RC3H2: variants seen among roughly 807,000 people sequenced by gnomAD.
The protein encoded by RC3H2 is ring finger and CCCH-type domains 2, also known as roquin-2.
A neutral mutation model predicts 133.3 loss-of-function variants in RC3H2; 31 were observed. The observed-to-expected ratio is 0.23, with a 90% confidence interval of 0.17 to 0.31. RC3H2 has a LOEUF of 0.31. Ranked by LOEUF, RC3H2 falls within the 10% of genes least tolerant of loss-of-function variation. The probability of loss-of-function intolerance (pLI) is 1.00; values close to 1 mark genes in which losing one functional copy is unlikely to be tolerated. For synonymous variants in RC3H2, 517 were observed against 502.2 expected (o/e 1.03, Z -0.40); for missense variants, 1,175 against 1,437.2 (o/e 0.82, Z 2.95).
intron 18 of RC3H2, among the ~76,000 whole-genome samples, chr9:122,852,532 TG>T (rs1233305012): frequency 8.9e-6 from 1 of 112,620 alleles, no homozygotes; most frequent in Non-Finnish European, 1.8e-5. Flanking sequence ...GGGAGGGAGG[TG>T]GGGGGGTCAG....
At chr9:122,895,751 T>C (rs1832389441) in intron 2 of RC3H2, among the ~76,000 whole-genome samples, 1 of 152,230 alleles carries the variant, frequency 6.6e-6, no homozygotes, top group South Asian at 2.1e-4. Flanking sequence ...AAATAATTCC[T>C]TTCTGGCTTT....
In RC3H2 at chr9:122,897,282, G is replaced by T; in HGVS notation, c.228C>A (p.Ala76=). The T allele has an allele frequency of 1.2e-6, 2 of 1,613,720 alleles. No homozygotes were observed. Among genetic ancestry groups the T allele is most frequent in the Non-Finnish European group, 1.7e-6 (2 of 1,179,706 alleles). The change falls in exon 2 of 21, where the codon GCC becomes GCA. Residue 76 remains alanine, a synonymous_variant. Coordinates refer to ENST00000357244, the MANE Select transcript of RC3H2 (RefSeq NM_001100588.3). ...VNFALLQLVG[A]QVPDHQSIKL... is the part of the protein sequence containing the mutation. Reference sequence around the variant, plus strand: ...TAGTAAAATCTTGAATGCTTACCTGGGCTCCAACTAACTGGAGAAGTGCGA... The same window carrying T: ...TAGTAAAATCTTGAATGCTTACCTGTGCTCCAACTAACTGGAGAAGTGCGA...
intron 1 of RC3H2, among the ~76,000 whole-genome samples, chr9:122,899,124 A>C (rs1832555232): frequency 7.7e-6 from 1 of 130,252 alleles, no homozygotes; most frequent in Non-Finnish European, 1.6e-5. Context: ...TTTTTCAGAG[A>C]CAGAGTCTCC....
intron 4 of RC3H2, among the ~76,000 whole-genome samples, chr9:122,888,391 C>G (rs982146301): frequency 2.2e-4 from 34 of 152,158 alleles, no homozygotes; most frequent in African/African-American, 8.0e-4. Context: ...TTATGTGGTT[C>G]CAAAGTACAA....
intron 1 of RC3H2, among the ~76,000 whole-genome samples, chr9:122,902,609 C>T (rs1198527237): frequency 6.6e-6 from 1 of 152,014 alleles, no homozygotes; most frequent in Non-Finnish European, 1.5e-5. Flanking sequence ...CTTTGGGAGG[C>T]GGAGGCGGGA....
intron 9 of RC3H2, chr9:122,873,908 CCCAAGTT>C (rs1426994426): frequency 1.3e-5 from 2 of 152,036 alleles, no homozygotes; most frequent in Non-Finnish European, 2.9e-5. Flanking sequence ...ACCTCTGCCT[CCCAAGTT>C]CAAGCCATTC....
At chr9:122,873,620 G>A (rs2131439388) in intron 9 of RC3H2, among the ~76,000 whole-genome samples, 1 of 151,970 alleles carries the variant, frequency 6.6e-6, no homozygotes, top group East Asian at 1.9e-4. Flanking sequence ...GGCTGAGGTG[G>A]GAGAATCCCC....
At chr9:122,880,396 T>A in intron 6 of RC3H2, 198 bp downstream of exon 6, 1 of 685,706 alleles carries the variant, frequency 1.5e-6, no homozygotes, top group Non-Finnish European at 2.5e-6. Flanking sequence ...TTTATGCTAG[T>A]ATCATGTATT....
At chr9:122,882,787 G>A (rs1362980570) in intron 5 of RC3H2, among the ~76,000 whole-genome samples, 5 of 152,154 alleles carry the variant, frequency 3.3e-5, no homozygotes, top group Non-Finnish European at 7.4e-5. Context: ...GCCATTTTCA[G>A]ATTAAAGGTG....
At chr9:122,900,434 A>G (rs981121973) in intron 1 of RC3H2, among the ~76,000 whole-genome samples, 1 of 152,192 alleles carries the variant, frequency 6.6e-6, no homozygotes, top group Non-Finnish European at 1.5e-5. Context: ...AGATAAATCA[A>G]TATAAAATTT....
Position 122,895,388 on chromosome 9 carries a change from G to A in RC3H2, c.231+1891C>T, listed in dbSNP as rs530639247. Among the ~76,000 whole-genome samples the A allele has an allele frequency of 8.2e-5, 11 of 134,268 alleles. No individual in the cohort carries two copies. In the South Asian group the frequency reaches 2.5e-3, roughly 31 times the overall value. The allele number at this position is 134,268 out of a possible 152,430, so 88.1% of individuals were successfully genotyped here. A position where few individuals can be genotyped will look rare whatever the true frequency, so the allele number is the denominator to read the frequency against. ...TCGCCATGTTGTCCAGGCTAGTCTCGAACTCCTGGCCTCAAGCAGCCTGCC... is the reference window on the plus strand; with the variant it reads ...TCGCCATGTTGTCCAGGCTAGTCTCAAACTCCTGGCCTCAAGCAGCCTGCC... On this transcript the variant is annotated intron_variant, in intron 2 of 20. Transcript: ENST00000357244.
intron 9 of RC3H2, among the ~76,000 whole-genome samples, chr9:122,876,660 C>A (rs577630206): frequency 1.3e-5 from 2 of 150,466 alleles, no homozygotes; most frequent in South Asian, 4.2e-4. Flanking sequence ...CACTGGCCAG[C>A]AGAAAGTAGA....
At position 122,857,930 on chromosome 9, in the gene RC3H2, CG is replaced by C; in HGVS notation, c.2446del (p.Arg816ValfsTer8). On this transcript the variant is annotated frameshift_variant, in exon 13 of 21. Coordinates refer to ENST00000357244, the MANE Select transcript of RC3H2 (RefSeq NM_001100588.3). LOFTEE classifies it high-confidence loss of function. ...AATTAAAACCTTTCTTACATCCGCA[CG>C]AAAGTCTACACTGAACAGAGGAGAA... ...PPSPLFSVDFRADFSESVSGT... is the reference protein window; with the variant it reads ...PPSPLFSVDFXADFSESVSGT... 6.2e-7 allele frequency: 1 copy of C among 1,612,430 alleles called. No homozygotes were observed. The highest frequency in any genetic ancestry group is 8.5e-7 in the Non-Finnish European group (1 of 1,179,350).
intron 1 of RC3H2, among the ~76,000 whole-genome samples, chr9:122,903,090 C>T (rs918115849): frequency 6.7e-6 from 1 of 150,136 alleles, no homozygotes; most frequent in Non-Finnish European, 1.5e-5. Context: ...TAGTACTGGA[C>T]AGTGCAACTC....
At chr9:122,896,512 A>G (rs1281129732) in intron 2 of RC3H2, among the ~76,000 whole-genome samples, 1 of 152,240 alleles carries the variant, frequency 6.6e-6, no homozygotes, top group Non-Finnish European at 1.5e-5. Context: ...ATATGTAACT[A>G]TAATGTAATC....
At position 122,899,083 on chromosome 9, in the gene RC3H2, T is replaced by A. The variant is rs533326737; in HGVS notation, c.-67-1507A>T. Among the ~76,000 whole-genome samples the A allele has an allele frequency of 5.7e-4, 79 of 139,802 alleles. 2 individuals carry two copies. The highest frequency in any genetic ancestry group is 2.1e-3 in the Admixed American group (27 of 12,772). The allele number at this position is 139,802 out of a possible 152,430, so 91.7% of individuals were successfully genotyped here. The stretch of plus-strand genomic sequence containing the variant: ...ACATACAAAAAAATTCTATTAGCCT[T>A]TATTGTGTTTTTTTTTTTTTTTTTT... On this transcript the variant is annotated intron_variant, in intron 1 of 20. Transcript: ENST00000357244.
intron 5 of RC3H2, among the ~76,000 whole-genome samples, chr9:122,882,077 A>C (rs1423991501): frequency 6.6e-6 from 1 of 152,210 alleles, no homozygotes; most frequent in East Asian, 1.9e-4. Context: ...CAACAGAGCA[A>C]AAGTCTGTTG....
rs533224731 is a variant in RC3H2 at position 122,879,661 on chromosome 9, T to TA, written c.1212+93dup. On this transcript the variant is annotated intron_variant, in intron 8 of 20. Transcript: ENST00000357244. Reference sequence around the variant, plus strand: ...AGATGATAGAAACTTATGAGTCACATACGGAGTCCAATTAACAAAACAGCT... The same window carrying TA: ...AGATGATAGAAACTTATGAGTCACATAACGGAGTCCAATTAACAAAACAGCT... 816 of 809,930 alleles carry TA rather than the reference T, an allele frequency of 1.0e-3. 4 individuals carry two copies. Among genetic ancestry groups the TA allele is most frequent in the Non-Finnish European group, 1.4e-3 (672 of 497,136 alleles). 50.2% of individuals were successfully genotyped at this position (809,930 alleles called of 1,614,324 possible). A position where few individuals can be genotyped will look rare whatever the true frequency, so the allele number is the denominator to read the frequency against.
intron 9 of RC3H2, among the ~76,000 whole-genome samples, chr9:122,868,847 GTGTGTGTGTGTGTGTGTGTGT>G (rs1307562693): frequency 4.5e-4 from 1 of 2,198 alleles, no homozygotes; most frequent in African/African-American, 8.5e-4. Flanking sequence ...ATATGTGTGT[GTGTGTGTGTGTGTGTGTGTGT>G]GTGTGTGTGT....
Sources: gnomAD v4.1 joint callset for allele counts (sites outside exome capture counted in the v4.1 genomes callset) on GRCh38, gnomAD v4.1.1 for gene constraint, MANE v1.5 for transcripts, NCBI Gene and HGNC (gene_info 2026-07-23, HGNC 2026-07-21) for gene names.